RPS21: variants seen among roughly 807,000 people sequenced by gnomAD.
RPS21 encodes small ribosomal subunit protein eS21.
RPS21 carries 6 observed loss-of-function variants against 14.5 expected under a neutral mutation model. The ratio of observed to expected loss-of-function variants is 0.41; its 90% CI spans 0.23 to 0.82. The LOEUF is 0.82. RPS21 is among the 40% of genes least tolerant of loss of function. The pLI is 0.31. For missense variants in RPS21, 85 were observed against 115.0 expected, an observed-to-expected ratio of 0.74 and a Z score of 1.19; for synonymous variants, 61 against 42.6, an observed-to-expected ratio of 1.43 and a Z score of -1.69.
At position 62,387,329 on chromosome 20, in the gene RPS21, C is replaced by T. The variant is rs1139536; in HGVS notation, c.-10C>T. 6 of 1,595,992 alleles carry T rather than the reference C, an allele frequency of 3.8e-6. No homozygotes were observed. The East Asian group carries it at 9.2e-5, about 24-fold the overall frequency. ...GCGCGGTGACTCCCCAGGCGCAGCC[C>T]AGCCTCGAAATGCAGAACGACGCCG... On this transcript the variant is annotated 5_prime_UTR_variant, in exon 2 of 6. Coordinates refer to ENST00000343986, the MANE Select transcript of RPS21 (RefSeq NM_001024.4).
rs781033512 is a variant in RPS21, at chr20:62,387,397, C to T, written c.50+9C>T. ...TACGTGCCGCGGAAATGGTAAGCGC[C>T]CCCCACATGCCTCTCTTCCGTCCTT... is the stretch of plus-strand genomic sequence containing the variant. On this transcript the variant is annotated intron_variant, in intron 2 of 5. Transcript: ENST00000343986. 30 of 1,607,818 alleles carry T rather than the reference C, an allele frequency of 1.9e-5. No individual in the cohort carries two copies. The highest frequency in any genetic ancestry group is 3.3e-4 in the Middle Eastern group (2 of 6,078).
intron 2 of RPS21, 25 bp from the exon 3 acceptor site, chr20:62,387,586 T>C: frequency 6.2e-7 from 1 of 1,607,052 alleles, no homozygotes; most frequent in Non-Finnish European, 8.5e-7. Context: ...AAGTCCCCTC[T>C]GCTCACTGCG....
chr20:62,387,558 C>T (rs1222379090), intron 2 of RPS21, 53 bp from the exon 3 acceptor site: 10 of 1,594,884 alleles, frequency 6.3e-6, no homozygotes, highest in African/African-American at 2.7e-5. Context: ...CTCGTCCCCT[C>T]TTTCATTCTT....
chr20:62,387,595 C>G lies in RPS21; in HGVS notation c.51-16C>G. On this transcript the variant is annotated splice_polypyrimidine_tract_variant and intron_variant, in intron 2 of 5. Transcript: ENST00000343986. The stretch of plus-strand genomic sequence containing the variant: ...CCGCCCAAGTCCCCTCTGCTCACTG[C>G]GCCCTTTCTCCACAGCTCCGCTAGC... 6.2e-7 allele frequency: 1 copy of G among 1,608,382 alleles called. No homozygotes were observed. Among genetic ancestry groups the G allele is most frequent in the South Asian group, 1.1e-5 (1 of 90,654 alleles).
In RPS21 at chr20:62,387,683, G is replaced by A. The variant is rs766345082; in HGVS notation, c.114+9G>A. The A allele has an allele frequency of 1.9e-6, 3 of 1,614,100 alleles. No homozygotes were observed. The highest frequency in any genetic ancestry group is 1.1e-5 in the South Asian group (1 of 91,088). On this transcript the variant is annotated intron_variant, in intron 3 of 5. Transcript: ENST00000343986. ...AGATGAACGTGGCCGAGGTGAGCTGGGAGCCCGGGAGGCGGGAAGGTTGTG... is the reference window on the plus strand; with the variant it reads ...AGATGAACGTGGCCGAGGTGAGCTGAGAGCCCGGGAGGCGGGAAGGTTGTG...
At chr20:62,387,520 C>T (rs1043160400) in intron 2 of RPS21, 91 bp from the exon 3 acceptor site, 6 of 1,587,520 alleles carry the variant, frequency 3.8e-6, no homozygotes, top group East Asian at 4.5e-5. Flanking sequence ...CGACGTTACT[C>T]TTTTCCATTC....
At chr20:62,387,805 C>A in intron 3 of RPS21, 38 bp from the exon 4 acceptor site, 1 of 1,613,806 alleles carries the variant, frequency 6.2e-7, no homozygotes, top group African/African-American at 1.3e-5. Context: ...GTTTCCCAAA[C>A]CTGGGGGAGT....
intron 2 of RPS21, 35 bp downstream of exon 2, chr20:62,387,423 A>G (rs1378252891): frequency 1.9e-6 from 3 of 1,606,392 alleles, no homozygotes; most frequent in Non-Finnish European, 1.7e-6. Context: ...TTCCGTCCTT[A>G]CCTAACCACC....
At chr20:62,387,476 C>T (rs563802722) in intron 2 of RPS21, 88 bp downstream of exon 2, 29 of 1,590,354 alleles carry the variant, frequency 1.8e-5, no homozygotes, top group African/African-American at 6.7e-5. Context: ...CCCTCCCGTC[C>T]TTACCTCGTC....
At chr20:62,387,523 T>C (rs1987777552) in intron 2 of RPS21, 88 bp from the exon 3 acceptor site, 1 of 1,587,900 alleles carries the variant, frequency 6.3e-7, no homozygotes, top group Admixed American at 1.7e-5. Flanking sequence ...CGTTACTCTT[T>C]TCCATTCATA....
rs368034186 is a variant in RPS21, at chr20:62,388,290, C to CTT, written c.187-8_187-7dup. 6.5e-5 allele frequency: 88 copies of CTT among 1,347,656 alleles called. No individual in the cohort carries two copies. Among genetic ancestry groups the CTT allele is most frequent in the Admixed American group, 2.8e-4 (12 of 42,746 alleles). The allele number at this position is 1,347,656 out of a possible 1,614,324, so 83.5% of individuals were successfully genotyped here. On this transcript the variant is annotated intron_variant, in intron 4 of 5. Transcript: ENST00000343986. Reference sequence around the variant, plus strand: ...CCGGAGTGGAAATATTCTTAGTGTGCTTTTTTTTTTTTCTTAAGGGTGAGT... The same window carrying CTT: ...CCGGAGTGGAAATATTCTTAGTGTGCTTTTTTTTTTTTTTCTTAAGGGTGAGT...
At chr20:62,387,290 G>T in intron 1 of RPS21, 31 bp from the exon 2 acceptor site, 1 of 1,541,106 alleles carries the variant, frequency 6.5e-7, no homozygotes, top group Non-Finnish European at 8.8e-7. Context: ...GGTTCCGGCC[G>T]TACTCACGGC....
At chr20:62,388,031 G>A in intron 4 of RPS21, 117 bp downstream of exon 4, 2 of 1,585,792 alleles carry the variant, frequency 1.3e-6, no homozygotes, top group Non-Finnish European at 1.7e-6. Context: ...TGAGCCAGCT[G>A]GACTGGGCTG....
In RPS21 at chr20:62,387,763, G is replaced by A. The variant is rs542863458; in HGVS notation, c.115-80G>A. ...ATTGTGGAGGAGCCCCTGGGGTGAA[G>A]GTACAGGCAGAGGCTGGCTTTGAGG... On this transcript the variant is annotated intron_variant, in intron 3 of 5. Transcript: ENST00000343986. 4.0e-5 allele frequency: 64 copies of A among 1,614,002 alleles called. No individual in the cohort carries two copies. The Admixed American group carries it at 1.0e-3, about 26-fold the overall frequency.
chr20:62,387,505 G>A (rs1987776044), intron 2 of RPS21, 106 bp from the exon 3 acceptor site: 1 of 1,585,150 alleles, frequency 6.3e-7, no homozygotes, highest in African/African-American at 1.3e-5. Flanking sequence ...AACTTGTCCT[G>A]CCCCCGACGT....
Position 62,387,830 on chromosome 20 carries a change from C to T in RPS21, c.115-13C>T, listed in dbSNP as rs144515688. 3.0e-3 allele frequency: 4,806 copies of T among 1,614,076 alleles called. 17 individuals are homozygous for T. Among genetic ancestry groups the T allele is most frequent in the Non-Finnish European group, 3.7e-3 (4,328 of 1,179,982 alleles). On this transcript the variant is annotated splice_polypyrimidine_tract_variant and intron_variant, in intron 3 of 5. Transcript: ENST00000343986. Reference sequence around the variant, plus strand: ...CCTGGGGGAGTGGTTTGTGACCCTTCTTCTCTTTCTAGGTTGACAAGGTCA... The same window carrying T: ...CCTGGGGGAGTGGTTTGTGACCCTTTTTCTCTTTCTAGGTTGACAAGGTCA...
chr20:62,387,429 C>T (rs747478691), intron 2 of RPS21, 41 bp downstream of exon 2: 3 of 1,604,888 alleles, frequency 1.9e-6, no homozygotes, highest in African/African-American at 2.7e-5. Flanking sequence ...CCTTACCTAA[C>T]CACCACGTCC....
In RPS21 at chr20:62,388,340, C is replaced by T. The variant is rs897164610; in HGVS notation, c.218C>T (p.Ala73Val). Residue 73 changes from alanine to valine, a missense_variant, in exon 5 of 6, where the codon GCC becomes GTC. By Grantham distance (64) the Ala-to-Val change is moderately conservative. Transcript: ENST00000343986. ...GESDDSILRL[A>V]KADGIVSKNF The stretch of plus-strand genomic sequence containing the variant: ...TCAGATGATTCCATTCTCCGATTGG[C>T]CAAGGCCGATGGCATCGTCTCAAAG... 7.5e-6 allele frequency: 12 copies of T among 1,600,056 alleles called. No homozygotes were observed. The highest frequency in any genetic ancestry group is 1.1e-5 in the South Asian group (1 of 87,732).
chr20:62,388,007 C>T (rs775380125), intron 4 of RPS21, 93 bp downstream of exon 4: 3 of 1,611,018 alleles, frequency 1.9e-6, no homozygotes, highest in South Asian at 2.2e-5. Context: ...AGTAGATCTG[C>T]TGGCAGAGTA....
Sources: allele counts gnomAD v4.1 joint callset, GRCh38; gene constraint gnomAD v4.1.1; transcripts MANE v1.5; gene names NCBI Gene and HGNC (gene_info 2026-07-23, HGNC 2026-07-21).